The following ARL6 variants were observed in gnomAD, a reference collection of about 807,000 sequenced individuals.
ARL6 encodes ADP-ribosylation factor-like protein 6.
In ARL6, 18 loss-of-function variants were observed where a neutral mutation model predicts 27.1. That is an observed-to-expected ratio of 0.66 (90% confidence interval 0.46 to 0.98). ARL6 has a LOEUF of 0.98. ARL6 is among the 50% of genes least tolerant of loss of function. ARL6 has a pLI of 0.00. For missense variants in ARL6, 187 were observed against 214.9 expected, an observed-to-expected ratio of 0.87 and a Z score of 0.81; for synonymous variants, 65 against 72.3, an observed-to-expected ratio of 0.90 and a Z score of 0.51.
intron 4 of ARL6, among the ~76,000 whole-genome samples, chr3:97,784,628 G>A (rs1464301777): frequency 2.0e-5 from 3 of 151,520 alleles, no homozygotes; most frequent in African/African-American, 7.3e-5. Context: ...TTATTGCATC[G>A]GTGTAATAGG....
intron 7 of ARL6, among the ~76,000 whole-genome samples, chr3:97,792,335 T>C (rs527702867): frequency 7.2e-5 from 11 of 152,168 alleles, no homozygotes; most frequent in Non-Finnish European, 4.4e-5. Context: ...ATAGAAAAAT[T>C]AGCTGGATGT....
At chr3:97,777,380 A>T (rs2036959046) in intron 2 of ARL6, among the ~76,000 whole-genome samples, 1 of 151,802 alleles carries the variant, frequency 6.6e-6, no homozygotes, top group African/African-American at 2.4e-5. Flanking sequence ...CCACCCTCCT[A>T]CCTATATAAA....
At chr3:97,786,590 A>G (rs1230412113) in intron 5 of ARL6, among the ~76,000 whole-genome samples, 4 of 152,222 alleles carry the variant, frequency 2.6e-5, no homozygotes, top group Admixed American at 2.6e-4. Flanking sequence ...GGGATTTCTC[A>G]GCTGAAGTGT....
intron 1 of ARL6, chr3:97,766,787 T>G (rs1158528526): frequency 6.6e-6 from 1 of 152,174 alleles, no homozygotes; most frequent in Non-Finnish European, 1.5e-5. Context: ...TGAGAATAAG[T>G]CAATTTAATG....
chr3:97,794,757 G>A (rs933101512), intron 7 of ARL6, among the ~76,000 whole-genome samples: 11 of 152,042 alleles, frequency 7.2e-5, no homozygotes, highest in African/African-American at 2.4e-4. Flanking sequence ...AAGGCCTTTG[G>A]TTCATTTGGG....
At chr3:97,770,242 A>G (rs2036576874) in intron 2 of ARL6, among the ~76,000 whole-genome samples, 1 of 152,060 alleles carries the variant, frequency 6.6e-6, no homozygotes, top group East Asian at 1.9e-4. Flanking sequence ...CTGGGGTGAA[A>G]TAATATCTCA....
intron 2 of ARL6, among the ~76,000 whole-genome samples, chr3:97,776,675 G>C (rs1261312533): frequency 7.3e-6 from 1 of 136,120 alleles, no homozygotes; most frequent in Non-Finnish European, 1.6e-5. Flanking sequence ...TTTTTTTTTT[G>C]AGACAGGGTC....
At chr3:97,793,772 T>C (rs2037857668) in intron 7 of ARL6, among the ~76,000 whole-genome samples, 1 of 152,198 alleles carries the variant, frequency 6.6e-6, no homozygotes, top group Non-Finnish European at 1.5e-5. Context: ...TGTCCTTGTT[T>C]TTCCATATTA....
chr3:97,788,380 CT>C (rs2037562669), intron 6 of ARL6, among the ~76,000 whole-genome samples: 1 of 152,148 alleles, frequency 6.6e-6, no homozygotes. Flanking sequence ...TACTTACTGA[CT>C]TCAGCTACAC....
intron 2 of ARL6, among the ~76,000 whole-genome samples, chr3:97,774,905 C>A (rs1381333358): frequency 6.6e-6 from 1 of 152,128 alleles, no homozygotes; most frequent in Non-Finnish European, 1.5e-5. Flanking sequence ...TAAGAGCAAC[C>A]AACCAACTTC....
At chr3:97,768,283 A>T in intron 2 of ARL6, 53 bp downstream of exon 2, 1 of 1,580,732 alleles carries the variant, frequency 6.3e-7, no homozygotes, top group Admixed American at 1.7e-5. Context: ...AAGAAAATTA[A>T]TGTGCAGAAT....
chr3:97,787,559 A>C (rs2037517195), intron 5 of ARL6, among the ~76,000 whole-genome samples: 1 of 152,220 alleles, frequency 6.6e-6, no homozygotes. Context: ...AGGTAAAAAT[A>C]TCTTTTAAAA....
At chr3:97,774,863 T>C (rs904737659) in intron 2 of ARL6, among the ~76,000 whole-genome samples, 4 of 152,296 alleles carry the variant, frequency 2.6e-5, no homozygotes, top group Middle Eastern at 3.4e-3. Context: ...CCTGAGTTCA[T>C]AATTTTCTTT....
chr3:97,770,372 AG>A (rs2036582082), intron 2 of ARL6, among the ~76,000 whole-genome samples: 1 of 151,734 alleles, frequency 6.6e-6, no homozygotes, highest in Non-Finnish European at 1.5e-5. Context: ...CCATTTTTTT[AG>A]TCAGATTTTT....
chr3:97,766,624 C>T (rs1304324199), intron 1 of ARL6: 1 of 152,166 alleles, frequency 6.6e-6, no homozygotes, highest in African/African-American at 2.4e-5. Flanking sequence ...TATGCAACCT[C>T]CTTTTAGATA....
chr3:97,799,241 AAG>A lies in ARL6; in HGVS notation c.*1194_*1195del, dbSNP rs2038143937. ...AGAAGGCAAAAGTAAGTGAGTAATA[AAG>A]ATGTTATAGTAACTGCAGTAGTGGT... On this transcript the variant is annotated 3_prime_UTR_variant, in exon 8 of 8. Coordinates refer to ENST00000463745, the MANE Select transcript of ARL6 (RefSeq NM_001278293.3). 6.6e-6 allele frequency: 1 copy of A among 152,054 alleles called. No individual in the cohort carries two copies. Among genetic ancestry groups the A allele is most frequent in the Non-Finnish European group, 1.5e-5 (1 of 67,930 alleles). The allele number at this position is 152,054 out of a possible 1,614,324, so 9.4% of individuals were successfully genotyped here.
In ARL6 at chr3:97,765,209, GGGGTGTGTGT is replaced by G. The variant is rs1290533862; in HGVS notation, c.-28+234_-28+243del. On this transcript the variant is annotated intron_variant, in intron 1 of 7. Transcript: ENST00000463745. Reference sequence around the variant, plus strand: ...ATGCTCAACTTAGACCCGTGTATTGGGGGTGTGTGTGTGTGTGTGTGTGTGTGTGTGTGTG... The same window carrying G: ...ATGCTCAACTTAGACCCGTGTATTGGGTGTGTGTGTGTGTGTGTGTGTGTG... Among the ~76,000 whole-genome samples the G allele has an allele frequency of 8.1e-3, 1,032 of 128,142 alleles. 10 individuals are homozygous for G. Among genetic ancestry groups the G allele is most frequent in the Non-Finnish European group, 1.0e-2 (619 of 61,994 alleles). 84.1% of individuals were successfully genotyped at this position (128,142 alleles called of 152,430 possible).
At chr3:97,786,467 G>T (rs768379082) in intron 5 of ARL6, among the ~76,000 whole-genome samples, 2 of 152,096 alleles carry the variant, frequency 1.3e-5, no homozygotes, top group Non-Finnish European at 2.9e-5. Context: ...AAATGAAATA[G>T]TTCCTATAAA....
At chr3:97,792,337 G>T (rs2037781189) in intron 7 of ARL6, among the ~76,000 whole-genome samples, 1 of 152,076 alleles carries the variant, frequency 6.6e-6, no homozygotes, top group African/African-American at 2.4e-5. Flanking sequence ...AGAAAAATTA[G>T]CTGGATGTGG....
Sources: allele counts gnomAD v4.1 joint callset (sites outside exome capture counted in the v4.1 genomes callset), GRCh38; gene constraint gnomAD v4.1.1; transcripts MANE v1.5; gene names NCBI Gene and HGNC (gene_info 2026-07-23, HGNC 2026-07-21).